TCOF1: variants seen among roughly 807,000 people sequenced by gnomAD.
TCOF1 encodes the protein treacle protein.
In TCOF1, 33 loss-of-function variants were observed where a neutral mutation model predicts 149.0. That is an observed-to-expected ratio of 0.22 (90% CI 0.17 to 0.30). The LOEUF is 0.30. TCOF1 is among the 10% of genes least tolerant of loss of function. The probability of loss-of-function intolerance (pLI) is 1.00; values close to 1 mark genes in which losing one functional copy is unlikely to be tolerated. For missense variants in TCOF1, 1,728 were observed against 1,840.7 expected (o/e 0.94, Z 1.12); for synonymous variants, 789 against 738.8 (o/e 1.07, Z -1.10).
chr5:150,395,439 A>G (rs1303256483), intron 23 of TCOF1, among the ~76,000 whole-genome samples: 1 of 152,132 alleles, frequency 6.6e-6, no homozygotes, highest in Non-Finnish European at 1.5e-5. Context: ...AGCTTGCCCC[A>G]GGCTGGGTCG....
chr5:150,391,796 G>A (rs891114059), intron 20 of TCOF1, 139 bp downstream of exon 20: 1 of 1,171,800 alleles, frequency 8.5e-7, no homozygotes, highest in African/African-American at 1.5e-5. Flanking sequence ...GGCCTAATCT[G>A]TAAGAAGGAA....
rs771909633 is a variant in TCOF1, at chr5:150,357,708, C to T, written c.-39C>T. ...GGGAAGTGGCGGGCGGGGACTAAGG[C>T]GGGGCGTGCAGGTAGCCGGCCGGCC... On this transcript the variant is annotated 5_prime_UTR_variant, in exon 1 of 27. Coordinates refer to ENST00000643257, the MANE Select transcript of TCOF1 (RefSeq NM_001371623.1). 501 of 1,519,620 alleles carry T rather than the reference C, an allele frequency of 3.3e-4. No individual in the cohort carries two copies. The highest frequency in any genetic ancestry group is 4.1e-4 in the Non-Finnish European group (458 of 1,125,088). The allele number at this position is 1,519,620 out of a possible 1,614,324, so 94.1% of individuals were successfully genotyped here.
intron 6 of TCOF1, among the ~76,000 whole-genome samples, chr5:150,370,662 T>G (rs1349913305): frequency 6.6e-6 from 1 of 152,166 alleles, no homozygotes; most frequent in Non-Finnish European, 1.5e-5. Flanking sequence ...GGCCAAAACC[T>G]TGATCTTTAA....
chr5:150,374,405 G>T lies in TCOF1; in HGVS notation c.1083+19G>T. ...GCTTCAGGTGAGGCCTGAGGAGGGA[G>T]ACTCCATGCAGCCAGGCCCGTCCCC... On this transcript the variant is annotated intron_variant, in intron 8 of 26. Transcript: ENST00000643257. 6.4e-7 allele frequency: 1 copy of T among 1,551,932 alleles called. No homozygotes were observed. The highest frequency in any genetic ancestry group is 1.2e-5 in the South Asian group (1 of 84,354).
At chr5:150,395,330 G>A (rs1380650567) in intron 23 of TCOF1, among the ~76,000 whole-genome samples, 1 of 152,220 alleles carries the variant, frequency 6.6e-6, no homozygotes, top group Non-Finnish European at 1.5e-5. Context: ...CCAGCATGCA[G>A]GAGTGTTGTG....
chr5:150,375,395 G>T lies in TCOF1; in HGVS notation c.1545G>T (p.Gly515=), dbSNP rs374664344. The T allele has an allele frequency of 1.9e-4, 307 of 1,612,730 alleles. No individual in the cohort carries two copies. Among genetic ancestry groups the T allele is most frequent in the Non-Finnish European group, 2.5e-4 (294 of 1,179,830 alleles). Residue 515 remains glycine (G), a synonymous_variant, in exon 11 of 27, where the codon GGG becomes GGT. Transcript: ENST00000643257. ...QVKPASTMGM[G]PLGKGAGPVP... Reference sequence around the variant, plus strand: ...AACCTGCCTCTACCATGGGCATGGGGCCCTTGGGGAAAGGCGCCGGCCCAG... The same window carrying T: ...AACCTGCCTCTACCATGGGCATGGGTCCCTTGGGGAAAGGCGCCGGCCCAG...
At chr5:150,367,342 T>C (rs896108813) in intron 3 of TCOF1, among the ~76,000 whole-genome samples, 5 of 152,142 alleles carry the variant, frequency 3.3e-5, no homozygotes, top group Admixed American at 1.3e-4. Context: ...TGAATATCGA[T>C]ATCTAACGGG....
rs759243621 is a variant in TCOF1 at position 150,379,620 on chromosome 5, C to T, written c.2747C>T (p.Pro916Leu). 6.2e-7 allele frequency: 1 copy of T among 1,613,896 alleles called. No individual in the cohort carries two copies. Among genetic ancestry groups the T allele is most frequent in the Non-Finnish European group, 8.5e-7 (1 of 1,179,976 alleles). ...AGGAAAGGGGCTGCCCCAACACCTC[C>T]TGGGAAGACAGGGCCTTCGGCTGCC... ...SPRKGAAPTPPGKTGPSAAQA... is the reference protein window; with the variant it reads ...SPRKGAAPTPLGKTGPSAAQA... Residue 916 changes from proline to leucine, a missense_variant, in exon 17 of 27, where the codon CCT becomes CTT. By Grantham distance (98) the Pro-to-Leu change is moderately conservative (BLOSUM62 -3). Coordinates refer to ENST00000643257, the MANE Select transcript of TCOF1 (RefSeq NM_001371623.1).
In TCOF1 at chr5:150,398,986, C is replaced by T. The variant is rs187203987; in HGVS notation, c.4444-36C>T. ...GGCAGCAGTGGGTGGGGAAAAGCTG[C>T]AGGTCTGAGAGCCTCTCGTACTTCC... On this transcript the variant is annotated intron_variant, in intron 25 of 26. Coordinates refer to ENST00000643257, the MANE Select transcript of TCOF1 (RefSeq NM_001371623.1). 1.5e-5 allele frequency: 25 copies of T among 1,614,206 alleles called. No homozygotes were observed. The Admixed American group carries it at 1.8e-4, about 12-fold the overall frequency.
intron 17 of TCOF1, among the ~76,000 whole-genome samples, chr5:150,386,400 G>A (rs762980800): frequency 5.6e-4 from 85 of 152,108 alleles, no homozygotes; most frequent in African/African-American, 1.9e-3. Context: ...TTTTTATATC[G>A]TGGGAAGGAA....
rs377438826 is a variant in TCOF1 at position 150,375,830 on chromosome 5, T to C, written c.1814T>C (p.Met605Thr). The change falls in exon 12 of 27, where the codon ATG becomes ACG. Residue 605 changes from methionine (M) to threonine (T), a missense_variant. By Grantham distance (81) the Met-to-Thr change is moderately conservative. Around this residue, in one of 2 missense-constraint regions of TCOF1, gnomAD observed 1,696 missense variants for 1,765.4 expected, o/e 0.96. Coordinates refer to ENST00000643257, the MANE Select transcript of TCOF1 (RefSeq NM_001371623.1). ...GTCCAGGTCAAGGCTGAAAAGCCCA[T>C]GGACAACTCGGAGAGCAGCGAGGAG... ...VAVQVKAEKPMDNSESSEESS... is the reference protein window; with the variant it reads ...VAVQVKAEKPTDNSESSEESS... 5 of 1,613,992 alleles carry C rather than the reference T, an allele frequency of 3.1e-6. No individual in the cohort carries two copies. Among genetic ancestry groups the C allele is most frequent in the East Asian group, 4.5e-5 (2 of 44,850 alleles).
intron 24 of TCOF1, 146 bp from the exon 25 acceptor site, chr5:150,398,208 C>T (rs1581232755): frequency 1.3e-6 from 2 of 1,535,650 alleles, no homozygotes; most frequent in Non-Finnish European, 8.8e-7. Context: ...AGGAATGAAC[C>T]TCCACGCCCC....
intron 7 of TCOF1, 101 bp downstream of exon 7, chr5:150,372,337 G>A: frequency 1.9e-6 from 2 of 1,034,924 alleles, no homozygotes; most frequent in South Asian, 1.6e-5. Flanking sequence ...TGGGGAGAGG[G>A]AGGACTATGG....
intron 6 of TCOF1, 23 bp from the exon 7 acceptor site, chr5:150,371,983 C>T: frequency 6.3e-7 from 1 of 1,597,624 alleles, no homozygotes; most frequent in African/African-American, 1.3e-5. Context: ...TATTCATTTT[C>T]TAATTCCATC....
At position 150,369,632 on chromosome 5, in the gene TCOF1, C is replaced by G. The variant is rs778688122; in HGVS notation, c.639+30C>G. 2.5e-6 allele frequency: 4 copies of G among 1,611,550 alleles called. No individual in the cohort carries two copies. In the South Asian group the frequency reaches 3.3e-5, roughly 13 times the overall value. Reference sequence around the variant, plus strand: ...TTGCCACCCATCCCTAGGAGTTGCCCTCTCCCAGCCTCTAACCCTTCCAGG... The same window carrying G: ...TTGCCACCCATCCCTAGGAGTTGCCGTCTCCCAGCCTCTAACCCTTCCAGG... On this transcript the variant is annotated intron_variant, in intron 6 of 26. Coordinates refer to ENST00000643257, the MANE Select transcript of TCOF1 (RefSeq NM_001371623.1).
rs766743250 is a variant in TCOF1, at chr5:150,383,746, GTCT to G, written c.2859+4019_2859+4021del. 1.6e-5 allele frequency: 25 copies of G among 1,551,912 alleles called. No individual in the cohort carries two copies. In the South Asian group the frequency reaches 2.4e-4, roughly 15 times the overall value. On this transcript the variant is annotated intron_variant, in intron 17 of 26. Transcript: ENST00000643257. ...CTCTGTTTTCTGTTTAGGACCAGGA[GTCT>G]TCTTGAATCCCATGAGCTCTGCCCA...
At chr5:150,377,923 C>A (rs920139716) in intron 14 of TCOF1, among the ~76,000 whole-genome samples, 4 of 152,214 alleles carry the variant, frequency 2.6e-5, no homozygotes, top group Non-Finnish European at 5.9e-5. Flanking sequence ...AATTTAGTCA[C>A]ATTGTGGTTG....
At chr5:150,379,797 C>T (rs927303307) in intron 17 of TCOF1, 65 bp downstream of exon 17, 53 of 1,565,128 alleles carry the variant, frequency 3.4e-5, no homozygotes, top group Admixed American at 3.0e-4. Flanking sequence ...TAGGGCTGGG[C>T]GTGGTGGCTC....
In TCOF1 at chr5:150,367,853, T is replaced by C; in HGVS notation, c.314T>C (p.Leu105Pro). Residue 105 changes from leucine (L) to proline (P), a missense_variant, in exon 4 of 27, where the codon CTA becomes CCA. Transcript: ENST00000643257. ...EAETAKATPR[L>P]ASTNSSVLGA... is the part of the protein sequence containing the mutation. ...TGTTTGTTTCTTGCAGCCCCAAGACTAGCATCTACCAACTCCTCAGTCCTG... is the reference window on the plus strand; with the variant it reads ...TGTTTGTTTCTTGCAGCCCCAAGACCAGCATCTACCAACTCCTCAGTCCTG... The C allele has an allele frequency of 6.2e-7, 1 of 1,614,164 alleles. No homozygotes were observed. The highest frequency in any genetic ancestry group is 8.5e-7 in the Non-Finnish European group (1 of 1,180,022).
Sources: allele counts gnomAD v4.1 joint callset (sites outside exome capture counted in the v4.1 genomes callset), GRCh38; gene constraint gnomAD v4.1.1; regional missense constraint gnomAD v4.1.1; transcripts MANE v1.5; gene names NCBI Gene and HGNC (gene_info 2026-07-23, HGNC 2026-07-21).